The following RXFP1 variants were observed in gnomAD, a reference collection of about 807,000 sequenced individuals.
RXFP1 encodes relaxin family peptide receptor 1, also known as relaxin receptor 1.
Under a neutral mutation model 89.8 loss-of-function variants are expected in RXFP1, and 73 were observed. That is an observed-to-expected ratio of 0.81 (90% CI 0.67 to 0.99). The LOEUF is 0.99. Ranked by LOEUF, RXFP1 falls within the 50% of genes least tolerant of loss-of-function variation. The probability of loss-of-function intolerance (pLI) is 0.00; values close to 1 mark genes in which losing one functional copy is unlikely to be tolerated. For synonymous variants in RXFP1, 277 were observed against 305.5 expected (o/e 0.91, Z 0.97); for missense variants, 793 against 895.5 (o/e 0.89, Z 1.46).
At position 158,643,722 on chromosome 4, in the gene RXFP1, C is replaced by T. The variant is rs140232419; in HGVS notation, c.1116-1187C>T. On this transcript the variant is annotated intron_variant, in intron 14 of 17. Coordinates refer to ENST00000307765, the MANE Select transcript of RXFP1 (RefSeq NM_021634.4). ...TCCTGACTGCGTGATCCACCCACCT[C>T]GGCCTCCCAAAGTGCTGAGATAACA... Among the ~76,000 whole-genome samples, 349 of 152,116 alleles carry T rather than the reference C, an allele frequency of 2.3e-3. 1 individual carries two copies. The highest frequency in any genetic ancestry group is 8.2e-3 in the African/African-American group (339 of 41,510).
chr4:158,608,245 T>C (rs985634391), intron 6 of RXFP1, among the ~76,000 whole-genome samples: 1 of 150,604 alleles, frequency 6.6e-6, no homozygotes, highest in Non-Finnish European at 1.5e-5. Context: ...CCTTACTTAC[T>C]AGGTGTGTGA....
chr4:158,617,358 A>G (rs1056793867), intron 9 of RXFP1, among the ~76,000 whole-genome samples, 153 bp downstream of exon 9: 13 of 151,480 alleles, frequency 8.6e-5, no homozygotes, highest in African/African-American at 3.2e-4. Flanking sequence ...CATGATTTTT[A>G]TGTTAAACAT....
rs1761216622 is a variant in RXFP1 at position 158,599,230 on chromosome 4, A to G, written c.287-96A>G. ...AGCACATGATATGCTTTTGTACTAAATGATTTTCTCATAGCTTTTCATTTC... is the reference window on the plus strand; with the variant it reads ...AGCACATGATATGCTTTTGTACTAAGTGATTTTCTCATAGCTTTTCATTTC... On this transcript the variant is annotated intron_variant, in intron 3 of 17. Coordinates refer to ENST00000307765, the MANE Select transcript of RXFP1 (RefSeq NM_021634.4). 4 of 1,573,326 alleles carry G rather than the reference A, an allele frequency of 2.5e-6. No homozygotes were observed. The African/African-American group carries it at 4.0e-5, about 16-fold the overall frequency.
intron 12 of RXFP1, among the ~76,000 whole-genome samples, chr4:158,634,629 T>C (rs1768785028): frequency 6.6e-6 from 1 of 152,178 alleles, no homozygotes; most frequent in South Asian, 2.1e-4. Context: ...AAGCTTTTCC[T>C]GTATGATTTC....
chr4:158,559,711 A>G (rs1752053315), intron 1 of RXFP1, among the ~76,000 whole-genome samples: 2 of 152,238 alleles, frequency 1.3e-5, no homozygotes. Context: ...CAAACTAGGA[A>G]GGTAGAAATT....
chr4:158,542,107 A>ATTTTTT (rs1438929204), intron 1 of RXFP1, among the ~76,000 whole-genome samples: 6 of 28,218 alleles, frequency 2.1e-4, no homozygotes, highest in Admixed American at 6.3e-4. Flanking sequence ...ATATATATAT[A>ATTTTTT]TATTTTTTTT....
chr4:158,644,706 C>T (rs1185009215), intron 14 of RXFP1, among the ~76,000 whole-genome samples: 1 of 152,248 alleles, frequency 6.6e-6, no homozygotes. Context: ...TTGCTACTCT[C>T]ACCCACACAT....
intron 4 of RXFP1, among the ~76,000 whole-genome samples, chr4:158,603,177 A>G (rs1292162077): frequency 6.6e-6 from 1 of 152,174 alleles, no homozygotes; most frequent in Non-Finnish European, 1.5e-5. Context: ...TCCTGGGCTC[A>G]AGTGATCCTC....
intron 13 of RXFP1, among the ~76,000 whole-genome samples, 198 bp from the exon 14 acceptor site, chr4:158,639,062 A>G (rs1301156783): frequency 6.6e-6 from 1 of 152,138 alleles, no homozygotes; most frequent in Admixed American, 6.5e-5. Flanking sequence ...AAAATCAAAT[A>G]AGGAAGATAA....
At chr4:158,539,504 G>C (rs1234511518) in intron 1 of RXFP1, among the ~76,000 whole-genome samples, 1 of 151,508 alleles carries the variant, frequency 6.6e-6, no homozygotes, top group South Asian at 2.1e-4. Flanking sequence ...AAAAAAAAAA[G>C]ACAAACTGGA....
chr4:158,646,334 G>A (rs959208398), intron 15 of RXFP1: 1 of 480,174 alleles, frequency 2.1e-6, no homozygotes, highest in African/African-American at 2.0e-5. Context: ...TCTATCATAG[G>A]AACTTGTGAA....
Position 158,645,105 on chromosome 4 carries a change from A to C in RXFP1, c.1312A>C (p.Lys438Gln). 1.2e-6 allele frequency: 2 copies of C among 1,614,002 alleles called. No homozygotes were observed. The highest frequency in any genetic ancestry group is 1.7e-6 in the Non-Finnish European group (2 of 1,179,844). Residue 438 changes from lysine to glutamine, a missense_variant, in exon 15 of 18, where the codon AAG (lysine) becomes CAG (glutamine). Physicochemically the swap from Lys to Gln is moderately conservative, Grantham distance 53. Transcript: ENST00000307765. ...GCGACCTTATATCAGGTCTGAGAAC[A>C]AGCTGTATGCCATGTCAATCATTTC... ...CMRPYIRSEN[K>Q]LYAMSIISLC...
chr4:158,644,344 C>G (rs1029746693), intron 14 of RXFP1, among the ~76,000 whole-genome samples: 25 of 152,182 alleles, frequency 1.6e-4, no homozygotes, highest in Non-Finnish European at 8.8e-5. Flanking sequence ...CCGCGCCCAG[C>G]CTTGTATGTC....
At chr4:158,648,029 T>C (rs774244853) in intron 16 of RXFP1, among the ~76,000 whole-genome samples, 74 of 150,794 alleles carry the variant, frequency 4.9e-4, no homozygotes, top group Non-Finnish European at 7.4e-4. Flanking sequence ...AAAAAAAAAT[T>C]AGCTGGTGTG....
intron 2 of RXFP1, among the ~76,000 whole-genome samples, chr4:158,582,399 G>A (rs1008825870): frequency 1.3e-5 from 2 of 152,042 alleles, no homozygotes; most frequent in Non-Finnish European, 2.9e-5. Flanking sequence ...CATTGTGTGG[G>A]GGTTCTGGTT....
chr4:158,541,789 C>G (rs563764969), intron 1 of RXFP1, among the ~76,000 whole-genome samples: 72 of 152,140 alleles, frequency 4.7e-4, no homozygotes, highest in African/African-American at 1.7e-3. Context: ...TCTCTTAGCC[C>G]CCATACAATT....
chr4:158,617,110 G>T, intron 8 of RXFP1, 21 bp from the exon 9 acceptor site: 1 of 1,564,292 alleles, frequency 6.4e-7, no homozygotes, highest in Non-Finnish European at 8.7e-7. Context: ...AATGTGACTT[G>T]TTTGTCTTTT....
Position 158,612,283 on chromosome 4 carries a change from G to T in RXFP1, c.609-8G>T. ...TAAATGAATTAATTTTTTTCTTCTG[G>T]CTGTCAGGATAATTGAAGATAATCA... is the stretch of plus-strand genomic sequence containing the variant. On this transcript the variant is annotated splice_region_variant and splice_polypyrimidine_tract_variant and intron_variant, in intron 7 of 17. Coordinates refer to ENST00000307765, the MANE Select transcript of RXFP1 (RefSeq NM_021634.4). 6.2e-7 allele frequency: 1 copy of T among 1,609,304 alleles called. No homozygotes were observed. The highest frequency in any genetic ancestry group is 1.1e-5 in the South Asian group (1 of 89,922).
At chr4:158,553,992 T>G (rs1350780577) in intron 1 of RXFP1, among the ~76,000 whole-genome samples, 1 of 152,142 alleles carries the variant, frequency 6.6e-6, no homozygotes, top group East Asian at 1.9e-4. Context: ...CAGATAAATC[T>G]TTGTTTGGGG....
Sources: gnomAD v4.1 joint callset for allele counts (sites outside exome capture counted in the v4.1 genomes callset) on GRCh38, gnomAD v4.1.1 for gene constraint, MANE v1.5 for transcripts, NCBI Gene and HGNC (gene_info 2026-07-23, HGNC 2026-07-21) for gene names.